The following ARAP2 variants were observed in gnomAD, a reference collection of about 807,000 sequenced individuals.
ARAP2 encodes the protein arf-GAP with Rho-GAP domain, ANK repeat and PH domain-containing protein 2.
ARAP2 carries 148 observed loss-of-function variants against 194.5 expected under a neutral mutation model. That is an observed-to-expected ratio of 0.76 (90% confidence interval 0.67 to 0.87). The LOEUF (loss-of-function observed/expected upper bound fraction) is 0.87. Among genes scored for constraint, ARAP2 ranks in the 40% least tolerant of loss-of-function variants. ARAP2 has a pLI of 0.00. For missense variants in ARAP2, 2,128 were observed against 1,989.7 expected, an observed-to-expected ratio of 1.07 and a Z score of -1.32; for synonymous variants, 695 against 683.5, an observed-to-expected ratio of 1.02 and a Z score of -0.26.
chr4:36,128,830 G>T, intron 20 of ARAP2, 85 bp from the exon 21 acceptor site: 2 of 1,075,546 alleles, frequency 1.9e-6, no homozygotes, highest in Non-Finnish European at 2.7e-6. Flanking sequence ...AAATGTTTGT[G>T]TTGAGACGAG....
chr4:36,187,690 A>T, intron 7 of ARAP2, 119 bp from the exon 8 acceptor site: 1 of 811,702 alleles, frequency 1.2e-6, no homozygotes, highest in Non-Finnish European at 1.8e-6. Flanking sequence ...CAAATTTTTT[A>T]AATGCCATAC....
intron 19 of ARAP2, among the ~76,000 whole-genome samples, chr4:36,136,999 A>G (rs906060336): frequency 5.3e-5 from 8 of 151,914 alleles, no homozygotes; most frequent in African/African-American, 1.9e-4. Flanking sequence ...TGTCAAAGGC[A>G]ATTTATCAAA....
At chr4:36,119,765 G>A (rs779644030) in intron 23 of ARAP2, 47 bp from the exon 24 acceptor site, 3 of 1,322,700 alleles carry the variant, frequency 2.3e-6, no homozygotes, top group Non-Finnish European at 3.2e-6. Context: ...AGAATACGAA[G>A]AGTGATGACA....
At chr4:36,060,594 G>A (rs537317181) in intron 1 of ARAP2, among the ~76,000 whole-genome samples, 11 of 152,230 alleles carry the variant, frequency 7.2e-5, no homozygotes, top group Non-Finnish European at 8.8e-5. Context: ...ACACAAAAAC[G>A]TGATGTATTA....
chr4:36,136,366 A>T (rs960113098), intron 19 of ARAP2, among the ~76,000 whole-genome samples: 1 of 151,852 alleles, frequency 6.6e-6, no homozygotes, highest in East Asian at 1.9e-4. Flanking sequence ...CTTCAAAGCC[A>T]TATAAAGAAA....
chr4:36,157,278 T>C (rs1732782505), intron 15 of ARAP2: 1 of 152,206 alleles, frequency 6.6e-6, no homozygotes, highest in Non-Finnish European at 1.5e-5. Flanking sequence ...GTAATTATTT[T>C]GATGATTGAT....
At chr4:36,051,488 A>C (rs1462989271) in intron 3 of ARAP2, among the ~76,000 whole-genome samples, 1 of 151,958 alleles carries the variant, frequency 6.6e-6, no homozygotes, top group Non-Finnish European at 1.5e-5. Flanking sequence ...AAAATAAATA[A>C]ATTAATAAAT....
intron 5 of ARAP2, among the ~76,000 whole-genome samples, chr4:36,039,476 A>C (rs1479618522): frequency 1.3e-5 from 2 of 152,110 alleles, no homozygotes; most frequent in African/African-American, 4.8e-5. Context: ...CGGTTAACCT[A>C]TCTGGGTCTG....
In ARAP2 at chr4:36,085,370, A is replaced by AT. The variant is rs1018369603; in HGVS notation, c.4426-1921dup. Among the ~76,000 whole-genome samples, 24 of 151,902 alleles carry AT rather than the reference A, an allele frequency of 1.6e-4. No homozygotes were observed. The South Asian group carries it at 2.7e-3, about 17-fold the overall frequency. ...TAAATCTTTTGTCAATCTGGAATAC[A>AT]TTTTTTTATATATACAGTATAAATG... On this transcript the variant is annotated intron_variant, in intron 28 of 32. Transcript: ENST00000303965.
At chr4:36,161,228 CCTTT>C (rs1733869928) in intron 12 of ARAP2, among the ~76,000 whole-genome samples, 1 of 151,610 alleles carries the variant, frequency 6.6e-6, no homozygotes, top group Non-Finnish European at 1.5e-5. Context: ...AGCTGGCAAA[CCTTT>C]CTAAGTACTT....
At chr4:36,224,080 T>A (rs1749728201) in intron 2 of ARAP2, among the ~76,000 whole-genome samples, 1 of 151,320 alleles carries the variant, frequency 6.6e-6, no homozygotes, top group African/African-American at 2.4e-5. Flanking sequence ...TCACTAAAGT[T>A]GCCCAGAAAA....
rs552716817 is a variant in ARAP2 at position 36,184,846 on chromosome 4, G to C, written c.1678+2605C>G. On this transcript the variant is annotated intron_variant, in intron 8 of 32. Transcript: ENST00000303965. ...AAAGACTGTCATAATAGTCATTCAA[G>C]AGAAGCAATGCCATGTGCTTCAAGA... 1.8e-3 allele frequency among the ~76,000 whole-genome samples: 271 copies of C among 152,308 alleles called. 4 individuals are homozygous for C. Among genetic ancestry groups the C allele is most frequent in the Middle Eastern group, 0.014 (4 of 294 alleles).
intron 5 of ARAP2, among the ~76,000 whole-genome samples, chr4:36,045,057 G>A (rs79617103): frequency 0.019 from 2,956 of 152,256 alleles, 42 homozygotes; most frequent in South Asian, 0.039. Flanking sequence ...GTTGGTGAGC[G>A]TGTAGAGGAA....
chr4:36,081,768 G>A (rs142379876), intron 30 of ARAP2, among the ~76,000 whole-genome samples: 1 of 151,444 alleles, frequency 6.6e-6, no homozygotes, highest in East Asian at 2.0e-4. Context: ...CAAGGAAGAG[G>A]CAGATCTCGT....
intron 26 of ARAP2, among the ~76,000 whole-genome samples, chr4:36,109,153 T>C (rs1719189173): frequency 6.6e-6 from 1 of 151,942 alleles, no homozygotes; most frequent in Non-Finnish European, 1.5e-5. Context: ...CAATTCCTAG[T>C]TTCAGATAAG....
chr4:36,017,112 A>AAT (rs3055209), intron 6 of ARAP2, among the ~76,000 whole-genome samples: 43,624 of 150,580 alleles, frequency 0.29, 7,071 homozygotes, highest in East Asian at 0.44. Context: ...TGAAAACTTA[A>AAT]ATATATATAT....
Position 36,213,338 on chromosome 4 carries a change from G to A in ARAP2, c.965-19C>T. 1 of 1,520,036 alleles carries A rather than the reference G, an allele frequency of 6.6e-7. No homozygotes were observed. The highest frequency in any genetic ancestry group is 2.3e-5 in the East Asian group (1 of 44,224). 94.2% of individuals were successfully genotyped at this position (1,520,036 alleles called of 1,614,324 possible). ...TTTGAATCTTTTAGGGGAATTACAG[G>A]ATGAGAACAGAAAGATGTGAATAAT... is the stretch of plus-strand genomic sequence containing the variant. On this transcript the variant is annotated intron_variant, in intron 3 of 32. Coordinates refer to ENST00000303965, the MANE Select transcript of ARAP2 (RefSeq NM_015230.4).
intron 32 of ARAP2, among the ~76,000 whole-genome samples, chr4:36,072,683 A>C (rs1468445580): frequency 2.7e-5 from 4 of 146,506 alleles, no homozygotes; most frequent in East Asian, 2.0e-4. Context: ...AAAAACCCCA[A>C]AAAAAACAAA....
At chr4:36,120,895 T>C (rs554141105) in intron 23 of ARAP2, among the ~76,000 whole-genome samples, 6 of 151,762 alleles carry the variant, frequency 4.0e-5, no homozygotes, top group African/African-American at 1.4e-4. Flanking sequence ...ATATAATTCA[T>C]ACACATGAAG....
Sources: allele counts gnomAD v4.1 joint callset (sites outside exome capture counted in the v4.1 genomes callset), GRCh38; gene constraint gnomAD v4.1.1; transcripts MANE v1.5; gene names NCBI Gene and HGNC (gene_info 2026-07-23, HGNC 2026-07-21).